DSG4: variants seen among roughly 807,000 people sequenced by gnomAD.
DSG4 encodes desmoglein-4.
Under a neutral mutation model 93.1 loss-of-function variants are expected in DSG4, and 87 were observed. That is an observed-to-expected ratio of 0.93 (90% confidence interval 0.79 to 1.12). The LOEUF (loss-of-function observed/expected upper bound fraction) is 1.12. Among genes scored for constraint, DSG4 ranks in the 50% most tolerant of loss-of-function variants. The pLI, the probability that DSG4 is intolerant of heterozygous loss-of-function variation, is 0.00. For missense variants in DSG4, 1,373 were observed against 1,285.7 expected, an observed-to-expected ratio of 1.07 and a Z score of -1.04; for synonymous variants, 432 against 452.9, an observed-to-expected ratio of 0.95 and a Z score of 0.59.
chr18:31,405,168 T>C (rs2072410857), intron 11 of DSG4, among the ~76,000 whole-genome samples: 1 of 152,234 alleles, frequency 6.6e-6, no homozygotes, highest in Non-Finnish European at 1.5e-5. Flanking sequence ...TCAGTTACTA[T>C]TCATGGTTTA....
chr18:31,379,066 C>T (rs1196822860), intron 1 of DSG4, among the ~76,000 whole-genome samples: 1 of 152,128 alleles, frequency 6.6e-6, no homozygotes, highest in Non-Finnish European at 1.5e-5. Context: ...GTACTCAAAA[C>T]TCTAGATTAC....
intron 8 of DSG4, 45 bp from the exon 9 acceptor site, chr18:31,399,227 A>G: frequency 6.2e-7 from 1 of 1,611,264 alleles, no homozygotes; most frequent in Non-Finnish European, 8.5e-7. Flanking sequence ...TTATCGAAAG[A>G]GAGTTCTTTG....
intron 1 of DSG4, among the ~76,000 whole-genome samples, chr18:31,380,629 T>C (rs2072123341): frequency 6.6e-6 from 1 of 152,230 alleles, no homozygotes; most frequent in African/African-American, 2.4e-5. Flanking sequence ...AGGCTTGAAC[T>C]TGGCAACTCT....
Position 31,411,267 on chromosome 18 carries a change from T to G in DSG4, c.2174T>G (p.Val725Gly). 1 of 1,613,916 alleles carries G rather than the reference T, an allele frequency of 6.2e-7. No homozygotes were observed. Among genetic ancestry groups the G allele is most frequent in the South Asian group, 1.1e-5 (1 of 91,058 alleles). ...AACACCTATGCAGCCGGGGGCACGG[T>G]GGAAGGAGGTGTATCGGGAGTGGAG... ...YTNTYAAGGT[V>G]EGGVSGVELN... Residue 725 changes from valine (V) to glycine (G), a missense_variant, in exon 15 of 16, where the codon GTG becomes GGG. Val to Gly is a moderately radical substitution (Grantham distance 109). Transcript: ENST00000308128.
At chr18:31,389,213 T>C (rs1288727426) in intron 5 of DSG4, among the ~76,000 whole-genome samples, 195 bp downstream of exon 5, 1 of 152,182 alleles carries the variant, frequency 6.6e-6, no homozygotes, top group African/African-American at 2.4e-5. Flanking sequence ...TAAAATATCT[T>C]CTTACTTGCG....
rs1464713857 is a variant in DSG4, at chr18:31,413,465, GGC to G, written c.2994_2995del (p.Pro999ArgfsTer35). 1 of 1,611,944 alleles carries G rather than the reference GGC, an allele frequency of 6.2e-7. No individual in the cohort carries two copies. The highest frequency in any genetic ancestry group is 1.1e-5 in the South Asian group (1 of 90,996). ...GTGATGAGCGGCAATATTTTAGTAG[GGC>G]CAGAAATTCAAGTGATGCAAATGAT... On this transcript the variant is annotated frameshift_variant, in exon 16 of 16. Transcript: ENST00000308128. LOFTEE classifies it high-confidence loss of function.
At chr18:31,393,153 T>TAACA (rs59850259) in intron 8 of DSG4, among the ~76,000 whole-genome samples, 3,157 of 152,288 alleles carry the variant, frequency 0.021, 105 homozygotes, top group African/African-American at 0.072. Context: ...AAATTGCTGC[T>TAACA]AACAACATAA....
chr18:31,412,488 C>G (rs1156894289), intron 15 of DSG4, among the ~76,000 whole-genome samples: 1 of 152,174 alleles, frequency 6.6e-6, no homozygotes, highest in Non-Finnish European at 1.5e-5. Context: ...TAATTTATTA[C>G]ACATTTTAAA....
chr18:31,409,317 A>C (rs1295885833), intron 12 of DSG4, 135 bp from the exon 13 acceptor site: 2 of 1,357,134 alleles, frequency 1.5e-6, no homozygotes, highest in African/African-American at 2.9e-5. Context: ...AAAGGAAAAA[A>C]ATGAGATTTT....
chr18:31,393,398 A>G (rs1436169579), intron 8 of DSG4, among the ~76,000 whole-genome samples: 2 of 152,210 alleles, frequency 1.3e-5, no homozygotes, highest in Non-Finnish European at 2.9e-5. Context: ...CCATACAGGA[A>G]GCAAAGTGCC....
chr18:31,388,796 T>A lies in DSG4; in HGVS notation c.373-78T>A, dbSNP rs2072217007. On this transcript the variant is annotated intron_variant, in intron 4 of 15. Transcript: ENST00000308128. ...CACTGGAAAAAATTGTTTCTTTGCC[T>A]ATTTTCTGATATATTTTCAAGCATG... 6 of 1,606,002 alleles carry A rather than the reference T, an allele frequency of 3.7e-6. No individual in the cohort carries two copies. In the East Asian group the frequency reaches 1.3e-4, roughly 36 times the overall value.
At chr18:31,393,401 A>C (rs1314609322) in intron 8 of DSG4, among the ~76,000 whole-genome samples, 10 of 152,230 alleles carry the variant, frequency 6.6e-5, no homozygotes, top group Non-Finnish European at 1.5e-5. Context: ...TACAGGAAGC[A>C]AAGTGCCAAC....
chr18:31,396,793 T>A (rs1265068666), intron 8 of DSG4, among the ~76,000 whole-genome samples: 1 of 152,186 alleles, frequency 6.6e-6, no homozygotes, highest in Non-Finnish European at 1.5e-5. Context: ...ACTGCCACCT[T>A]CGTGTCTCAC....
chr18:31,394,160 T>C (rs948393873), intron 8 of DSG4, among the ~76,000 whole-genome samples: 9 of 152,348 alleles, frequency 5.9e-5, no homozygotes, highest in Non-Finnish European at 1.2e-4. Flanking sequence ...ATATGAATAC[T>C]TGAGATAGAA....
chr18:31,409,855 T>G, intron 14 of DSG4, 47 bp downstream of exon 14: 1 of 1,603,272 alleles, frequency 6.2e-7, no homozygotes. Flanking sequence ...TTTTCAAAAT[T>G]ATTCAACCAG....
intron 1 of DSG4, among the ~76,000 whole-genome samples, chr18:31,378,984 TAC>T (rs2072106035): frequency 6.6e-6 from 1 of 152,202 alleles, no homozygotes; most frequent in African/African-American, 2.4e-5. Context: ...GACTCACAGG[TAC>T]TTTGTGTCAG....
intron 3 of DSG4, among the ~76,000 whole-genome samples, 196 bp downstream of exon 3, chr18:31,387,015 T>C (rs2072195986): frequency 6.6e-6 from 1 of 152,134 alleles, no homozygotes; most frequent in Non-Finnish European, 1.5e-5. Flanking sequence ...CAATGGCAAG[T>C]GATTCTAGAA....
intron 8 of DSG4, among the ~76,000 whole-genome samples, chr18:31,398,305 C>T (rs992243373): frequency 6.6e-6 from 1 of 152,116 alleles, no homozygotes; most frequent in Non-Finnish European, 1.5e-5. Flanking sequence ...GAAATTCAAG[C>T]ACGGCATGCT....
intron 2 of DSG4, among the ~76,000 whole-genome samples, 174 bp downstream of exon 2, chr18:31,385,345 A>G (rs1026167853): frequency 6.6e-6 from 1 of 152,196 alleles, no homozygotes; most frequent in Non-Finnish European, 1.5e-5. Context: ...CCAAATCTCT[A>G]TGCATTTAGG....
Sources: allele counts gnomAD v4.1 joint callset (sites outside exome capture counted in the v4.1 genomes callset), GRCh38; gene constraint gnomAD v4.1.1; transcripts MANE v1.5; gene names NCBI Gene and HGNC (gene_info 2026-07-23, HGNC 2026-07-21).